ATL2: variants seen among roughly 807,000 people sequenced by gnomAD.
ATL2 encodes the protein atlastin GTPase 2.
Under a neutral mutation model 73.9 loss-of-function variants are expected in ATL2, and 31 were observed. That is an observed-to-expected ratio of 0.42 (90% CI 0.32 to 0.57). ATL2 has a LOEUF of 0.57. Ranked by LOEUF, ATL2 falls within the 20% of genes least tolerant of loss-of-function variation. The pLI, the probability that ATL2 is intolerant of heterozygous loss-of-function variation, is 0.14. For synonymous variants in ATL2, 291 were observed against 237.5 expected (o/e 1.23, Z -2.07); for missense variants, 738 against 702.6 (o/e 1.05, Z -0.57).
intron 12 of ATL2, among the ~76,000 whole-genome samples, chr2:38,297,113 G>C (rs1410833197): frequency 6.6e-6 from 1 of 152,126 alleles, no homozygotes; most frequent in Non-Finnish European, 1.5e-5. Flanking sequence ...GATCTGAATA[G>C]AGCATTTCTC....
At chr2:38,305,063 C>G (rs534887046) in intron 9 of ATL2, among the ~76,000 whole-genome samples, 65 of 148,718 alleles carry the variant, frequency 4.4e-4, no homozygotes, top group African/African-American at 1.6e-3. Flanking sequence ...AAAGATACTC[C>G]ATGCAAATGG....
At chr2:38,376,264 T>C in intron 1 of ATL2, 30 of 1,406,238 alleles carry the variant, frequency 2.1e-5, no homozygotes, top group Non-Finnish European at 2.7e-5. Context: ...AGGGGTGTTA[T>C]GAGTGAGAGG....
intron 2 of ATL2, among the ~76,000 whole-genome samples, chr2:38,320,901 T>C (rs1245817219): frequency 6.6e-6 from 1 of 151,960 alleles, no homozygotes; most frequent in Non-Finnish European, 1.5e-5. Context: ...TCCCAGCACT[T>C]TGAGAGGCTG....
intron 2 of ATL2, among the ~76,000 whole-genome samples, chr2:38,331,941 T>C (rs755596899): frequency 5.9e-5 from 9 of 152,138 alleles, no homozygotes; most frequent in Non-Finnish European, 4.4e-5. Context: ...GTCCATTAAC[T>C]GATGAATGGA....
chr2:38,309,452 G>T lies in ATL2; in HGVS notation c.998C>A (p.Ala333Asp). ...CTCTTTTTCTACCAAATTTTCAGGG[G>T]CAAGCAGCAATGGAACCAGATTTCG... ...ELRNLVPLLL[A>D]PENLVEKEIS... is the part of the protein sequence containing the mutation. Residue 333 changes from alanine (A) to aspartate (D), a missense_variant, in exon 9 of 13, where the codon GCC becomes GAC. Physicochemically the swap from Ala to Asp is moderately radical, Grantham distance 126 (BLOSUM62 -2). Coordinates refer to ENST00000378954, the MANE Select transcript of ATL2 (RefSeq NM_001135673.4). 6.2e-7 allele frequency: 1 copy of T among 1,612,598 alleles called. No homozygotes were observed. The highest frequency in any genetic ancestry group is 8.5e-7 in the Non-Finnish European group (1 of 1,179,674).
intron 2 of ATL2, among the ~76,000 whole-genome samples, chr2:38,326,515 T>C (rs1157839506): frequency 2.0e-5 from 3 of 152,006 alleles, no homozygotes; most frequent in African/African-American, 4.8e-5. Context: ...AAATAGGAAA[T>C]TGATCCAGGA....
intron 1 of ATL2, among the ~76,000 whole-genome samples, chr2:38,370,196 C>G (rs925195595): frequency 5.5e-5 from 8 of 145,224 alleles, no homozygotes; most frequent in African/African-American, 2.1e-4. Context: ...ACCGGGCGGT[C>G]GCTCACACCT....
intron 2 of ATL2, among the ~76,000 whole-genome samples, chr2:38,322,674 T>C (rs1668390114): frequency 6.6e-6 from 1 of 152,056 alleles, no homozygotes; most frequent in African/African-American, 2.4e-5. Context: ...TAGGTTACCT[T>C]GTAATGGAAA....
chr2:38,357,321 C>A (rs1023827633), intron 1 of ATL2, among the ~76,000 whole-genome samples: 7 of 151,394 alleles, frequency 4.6e-5, no homozygotes, highest in African/African-American at 1.7e-4. Context: ...AGGAAGACTC[C>A]GTCTCAAAAA....
Position 38,309,601 on chromosome 2 carries a change from AC to A in ATL2, c.944-96del, listed in dbSNP as rs1667637947. 5.6e-6 allele frequency: 7 copies of A among 1,245,048 alleles called. No homozygotes were observed. The East Asian group carries it at 1.7e-4, about 30-fold the overall frequency. 77.1% of individuals were successfully genotyped at this position (1,245,048 alleles called of 1,614,324 possible). On this transcript the variant is annotated intron_variant, in intron 8 of 12. Coordinates refer to ENST00000378954, the MANE Select transcript of ATL2 (RefSeq NM_001135673.4). Reference sequence around the variant, plus strand: ...AAATTCTGTTTTATGAAATAAGAATACATAGTATCTATTACTGAAGTGGATT... The same window carrying A: ...AAATTCTGTTTTATGAAATAAGAATAATAGTATCTATTACTGAAGTGGATT...
intron 2 of ATL2, among the ~76,000 whole-genome samples, chr2:38,334,870 A>ATTC (rs1573511650): frequency 2.5e-5 from 1 of 40,430 alleles, no homozygotes; most frequent in Non-Finnish European, 8.5e-5. Context: ...TATATTATAT[A>ATTC]ATATATATTA....
chr2:38,354,246 T>C, intron 1 of ATL2: 2 of 337,470 alleles, frequency 5.9e-6, no homozygotes, highest in Non-Finnish European at 1.2e-5. Flanking sequence ...TATATAATGT[T>C]CTTCAGGCTG....
chr2:38,340,295 T>G (rs1413500302), intron 2 of ATL2, among the ~76,000 whole-genome samples: 1 of 151,662 alleles, frequency 6.6e-6, no homozygotes, highest in African/African-American at 2.4e-5. Context: ...GCTGTACACT[T>G]AAGATTTGTG....
At chr2:38,298,681 G>C in intron 11 of ATL2, 106 bp from the exon 12 acceptor site, 1 of 1,206,574 alleles carries the variant, frequency 8.3e-7, no homozygotes. Flanking sequence ...TTACATGATT[G>C]AGTCAGTTTT....
At chr2:38,335,266 G>C (rs910074662) in intron 2 of ATL2, among the ~76,000 whole-genome samples, 1 of 151,988 alleles carries the variant, frequency 6.6e-6, no homozygotes, top group Non-Finnish European at 1.5e-5. Context: ...ACAGAATTCA[G>C]TGCTTACATC....
At chr2:38,376,377 A>C in intron 1 of ATL2, 1 of 617,784 alleles carries the variant, frequency 1.6e-6, no homozygotes, top group Non-Finnish European at 2.5e-6. Flanking sequence ...GGAGCCAAGG[A>C]TCAGGTGACT....
intron 1 of ATL2, chr2:38,376,141 A>G: frequency 6.5e-7 from 1 of 1,531,660 alleles, no homozygotes; most frequent in African/African-American, 1.4e-5. Flanking sequence ...TACTATTTAT[A>G]AGCCTTTGAA....
Position 38,318,253 on chromosome 2 carries a change from G to C in ATL2, c.603+282C>G, listed in dbSNP as rs540106199. The C allele has an allele frequency of 8.1e-4, 196 of 242,030 alleles. 1 individual carries two copies. Among genetic ancestry groups the C allele is most frequent in the South Asian group, 6.0e-3 (36 of 5,974 alleles). 15.0% of individuals were successfully genotyped at this position (242,030 alleles called of 1,614,324 possible). ...AGCACTTGGGGAGGCCGAGGTGGGC[G>C]GGTCACCTGAGGTCAGGAGTTCGAG... On this transcript the variant is annotated intron_variant, in intron 4 of 12. Coordinates refer to ENST00000378954, the MANE Select transcript of ATL2 (RefSeq NM_001135673.4).
rs202180599 is a variant in ATL2 at position 38,376,097 on chromosome 2, T to C, written c.118+1046A>G. 308 of 1,474,112 alleles carry C rather than the reference T, an allele frequency of 2.1e-4. 3 individuals are homozygous for C. In the South Asian group the frequency reaches 3.7e-3, roughly 18 times the overall value. 91.3% of individuals were successfully genotyped at this position (1,474,112 alleles called of 1,614,324 possible). ...CGTATCTGTATTTAATAATAAACTC[T>C]TATCTTGGCCGTACTTACCAAATCG... On this transcript the variant is annotated intron_variant, in intron 1 of 12. Transcript: ENST00000378954.
Sources: gnomAD v4.1 joint callset for allele counts (sites outside exome capture counted in the v4.1 genomes callset) on GRCh38, gnomAD v4.1.1 for gene constraint, MANE v1.5 for transcripts, NCBI Gene and HGNC (gene_info 2026-07-23, HGNC 2026-07-21) for gene names.